RRAS2: variants seen among roughly 807,000 people sequenced by gnomAD.
RRAS2 encodes RAS related 2.
RRAS2 carries 7 observed loss-of-function variants against 27.6 expected under a neutral mutation model. That is an observed-to-expected ratio of 0.25 (90% CI 0.14 to 0.48). The LOEUF (loss-of-function observed/expected upper bound fraction) is 0.48. RRAS2 is among the 20% of genes least tolerant of loss of function. The pLI is 0.99. For missense variants in RRAS2, 178 were observed against 256.2 expected, an observed-to-expected ratio of 0.69 and a Z score of 2.08; for synonymous variants, 86 against 90.9, an observed-to-expected ratio of 0.95 and a Z score of 0.31.
intron 5 of RRAS2, among the ~76,000 whole-genome samples, chr11:14,280,699 C>A (rs1849503593): frequency 7.8e-6 from 1 of 127,416 alleles, no homozygotes; most frequent in African/African-American, 3.2e-5. Context: ...GCACTCCAGC[C>A]TGGGTGACAA....
chr11:14,281,717 T>C lies in RRAS2; in HGVS notation c.412A>G (p.Thr138Ala). 1.3e-6 allele frequency: 2 copies of C among 1,597,534 alleles called. No homozygotes were observed. The highest frequency in any genetic ancestry group is 1.7e-6 in the Non-Finnish European group (2 of 1,172,714). The change falls in exon 5 of 6, where the codon ACA becomes GCA. Residue 138 changes from threonine to alanine, a missense_variant. Physicochemically the swap from Thr to Ala is moderately conservative, Grantham distance 58. Coordinates refer to ENST00000256196, the MANE Select transcript of RRAS2 (RefSeq NM_012250.6). ...GCTAACTGTTGTCCTTCTTCCTGTG[T>C]TACCTGAAATTCCAACAGTTATGTT... Reference protein sequence around the residue: ...KADLDHQRQVTQEEGQQLARQ... With the variant: ...KADLDHQRQVAQEEGQQLARQ...
intron 1 of RRAS2, among the ~76,000 whole-genome samples, chr11:14,352,722 A>C (rs1848981431): frequency 6.6e-6 from 1 of 151,268 alleles, no homozygotes; most frequent in African/African-American, 2.4e-5. Context: ...GACCAACTTT[A>C]ATTTGAAAAA....
chr11:14,322,261 T>C (rs112901184), intron 1 of RRAS2, among the ~76,000 whole-genome samples: 81 of 146,404 alleles, frequency 5.5e-4, no homozygotes, highest in African/African-American at 1.8e-3. Flanking sequence ...TGAAACCCCA[T>C]CTCTACCAAA....
intron 1 of RRAS2, chr11:14,341,914 T>C (rs1848716360): frequency 4.5e-6 from 2 of 444,072 alleles, no homozygotes; most frequent in South Asian, 3.2e-5. Context: ...AGGTAATCAA[T>C]ATCCTGAATT....
intron 1 of RRAS2, among the ~76,000 whole-genome samples, chr11:14,355,461 C>T (rs1849052528): frequency 6.6e-6 from 1 of 152,196 alleles, no homozygotes; most frequent in Non-Finnish European, 1.5e-5. Context: ...GTAATGTACA[C>T]ACACATATTC....
intron 1 of RRAS2, among the ~76,000 whole-genome samples, chr11:14,304,130 T>C (rs1334308927): frequency 6.6e-6 from 1 of 152,198 alleles, no homozygotes; most frequent in Non-Finnish European, 1.5e-5. Flanking sequence ...CTCTGCTGCC[T>C]CAGGGCTACT....
chr11:14,334,702 A>C (rs782416769), intron 1 of RRAS2, among the ~76,000 whole-genome samples: 3 of 151,954 alleles, frequency 2.0e-5, no homozygotes, highest in Non-Finnish European at 4.4e-5. Flanking sequence ...CGAGTGTTAA[A>C]AAAAAAAAGT....
At chr11:14,335,016 T>C (rs782359080) in intron 1 of RRAS2, among the ~76,000 whole-genome samples, 7 of 152,234 alleles carry the variant, frequency 4.6e-5, no homozygotes, top group Non-Finnish European at 7.3e-5. Flanking sequence ...GTCCTGTTCA[T>C]TGCTGAATCC....
In RRAS2 at chr11:14,352,115, A is replaced by G. The variant is rs782284040; in HGVS notation, c.108+6648T>C. Among the ~76,000 whole-genome samples, 58 of 152,334 alleles carry G rather than the reference A, an allele frequency of 3.8e-4. 1 individual carries two copies. The highest frequency in any genetic ancestry group is 2.4e-4 in the Non-Finnish European group (16 of 68,028). On this transcript the variant is annotated intron_variant, in intron 1 of 5. Transcript: ENST00000256196. ...AACATCGGATGTCTTTTTAACACTTATATTCTTATTTCTACTGCTGAATTT... is the reference window on the plus strand; with the variant it reads ...AACATCGGATGTCTTTTTAACACTTGTATTCTTATTTCTACTGCTGAATTT...
intron 5 of RRAS2, among the ~76,000 whole-genome samples, chr11:14,280,725 C>CAAAAAA (rs1849505096): frequency 3.3e-5 from 1 of 30,760 alleles, no homozygotes; most frequent in Non-Finnish European, 5.0e-5. Context: ...AACTCTGTTT[C>CAAAAAA]CAAAAAAAAA....
At chr11:14,314,335 A>T (rs887497777) in intron 1 of RRAS2, among the ~76,000 whole-genome samples, 2 of 152,236 alleles carry the variant, frequency 1.3e-5, no homozygotes, top group East Asian at 3.8e-4. Context: ...GGGGGTTTCC[A>T]GCGAGGTGCT....
intron 1 of RRAS2, among the ~76,000 whole-genome samples, chr11:14,311,890 A>T (rs1201221955): frequency 6.6e-6 from 1 of 151,334 alleles, no homozygotes; most frequent in East Asian, 1.9e-4. Flanking sequence ...CTTGAGATAG[A>T]GTCTCACTCT....
chr11:14,335,800 GA>G (rs1848577530), intron 1 of RRAS2, among the ~76,000 whole-genome samples: 1 of 152,070 alleles, frequency 6.6e-6, no homozygotes, highest in African/African-American at 2.4e-5. Context: ...AGTTGGAGTT[GA>G]AAAAGCCAGC....
chr11:14,355,144 G>A (rs1384197809), intron 1 of RRAS2, among the ~76,000 whole-genome samples: 2 of 151,130 alleles, frequency 1.3e-5, no homozygotes, highest in Non-Finnish European at 2.9e-5. Context: ...TAAACACACA[G>A]CTAGTTAAAT....
chr11:14,344,062 A>T (rs1478610863), intron 1 of RRAS2, among the ~76,000 whole-genome samples: 4 of 151,986 alleles, frequency 2.6e-5, no homozygotes, highest in Non-Finnish European at 4.4e-5. Context: ...AGAATCACTT[A>T]AGCCGGGGAC....
chr11:14,295,447 T>C (rs1847518951), intron 2 of RRAS2, among the ~76,000 whole-genome samples: 1 of 152,246 alleles, frequency 6.6e-6, no homozygotes, highest in South Asian at 2.1e-4. Context: ...TTCATCCATT[T>C]TAACCTTTGC....
At chr11:14,320,562 G>C (rs192902758) in intron 1 of RRAS2, among the ~76,000 whole-genome samples, 11 of 152,292 alleles carry the variant, frequency 7.2e-5, no homozygotes, top group African/African-American at 1.7e-4. Flanking sequence ...CATTAACACA[G>C]CTTTCAGAGT....
At chr11:14,337,483 C>G (rs1554952693) in intron 1 of RRAS2, among the ~76,000 whole-genome samples, 1 of 152,170 alleles carries the variant, frequency 6.6e-6, no homozygotes, top group Non-Finnish European at 1.5e-5. Context: ...ATTTACCTCA[C>G]TGCTTCTCAT....
At chr11:14,315,414 T>C (rs1285529402) in intron 1 of RRAS2, among the ~76,000 whole-genome samples, 1 of 152,162 alleles carries the variant, frequency 6.6e-6, no homozygotes, top group Non-Finnish European at 1.5e-5. Flanking sequence ...CTCTACAAAA[T>C]ACTTAATGAG....
Sources: gnomAD v4.1 joint callset for allele counts (sites outside exome capture counted in the v4.1 genomes callset) on GRCh38, gnomAD v4.1.1 for gene constraint, MANE v1.5 for transcripts, NCBI Gene and HGNC (gene_info 2026-07-23, HGNC 2026-07-21) for gene names.